The following PDGFD variants were observed in gnomAD, a reference collection of about 807,000 sequenced individuals.
The protein encoded by PDGFD is platelet derived growth factor D.
PDGFD carries 30 observed loss-of-function variants against 44.7 expected under a neutral mutation model. The ratio of observed to expected loss-of-function variants is 0.67; its 90% CI spans 0.50 to 0.91. The LOEUF (loss-of-function observed/expected upper bound fraction) is 0.91. Ranked by LOEUF, PDGFD falls within the 40% of genes least tolerant of loss-of-function variation. The probability of loss-of-function intolerance (pLI) is 0.00; values close to 1 mark genes in which losing one functional copy is unlikely to be tolerated. For synonymous variants in PDGFD, 173 were observed against 168.4 expected (o/e 1.03, Z -0.21); for missense variants, 445 against 457.8 (o/e 0.97, Z 0.25).
At chr11:104,037,989 G>A in intron 1 of PDGFD, 1 of 1,613,644 alleles carries the variant, frequency 6.2e-7, no homozygotes, top group Admixed American at 1.7e-5. Context: ...ATTCAGTCAT[G>A]GATTCAGGAC....
rs142358530 is a variant in PDGFD, at chr11:103,966,827, G to A, written c.511-19103C>T. 2.8e-3 allele frequency among the ~76,000 whole-genome samples: 337 copies of A among 118,248 alleles called. 5 individuals are homozygous for A. Among genetic ancestry groups the A allele is most frequent in the African/African-American group, 0.011 (323 of 28,520 alleles). The allele number at this position is 118,248 out of a possible 152,430, so 77.6% of individuals were successfully genotyped here. ...CTAGACAGACCCCTGAATCGCTGCA[G>A]GCACAATCCTGATAACCCTTGATGC... On this transcript the variant is annotated intron_variant, in intron 3 of 6. Coordinates refer to ENST00000393158, the MANE Select transcript of PDGFD (RefSeq NM_025208.5).
intron 1 of PDGFD, among the ~76,000 whole-genome samples, chr11:104,034,337 G>T (rs370955957): frequency 5.3e-5 from 8 of 151,882 alleles, no homozygotes; most frequent in African/African-American, 1.4e-4. Flanking sequence ...TACACTGGGC[G>T]TTCAGTCAAC....
At chr11:103,984,699 C>T (rs1859326332) in intron 3 of PDGFD, among the ~76,000 whole-genome samples, 1 of 149,984 alleles carries the variant, frequency 6.7e-6, no homozygotes, top group Non-Finnish European at 1.5e-5. Flanking sequence ...CTTGAATAGC[C>T]ATAATGTTGA....
intron 1 of PDGFD, among the ~76,000 whole-genome samples, chr11:104,011,427 G>A (rs1456612491): frequency 6.6e-6 from 1 of 152,016 alleles, no homozygotes; most frequent in African/African-American, 2.4e-5. Context: ...TATGGCTTCA[G>A]TGCTATTTAC....
intron 1 of PDGFD, among the ~76,000 whole-genome samples, chr11:104,121,349 T>C (rs537406098): frequency 6.6e-6 from 1 of 152,128 alleles, no homozygotes; most frequent in African/African-American, 2.4e-5. Flanking sequence ...GTATTTGCTG[T>C]GAATACATTT....
At chr11:104,000,654 C>A (rs1416572234) in intron 1 of PDGFD, among the ~76,000 whole-genome samples, 1 of 152,188 alleles carries the variant, frequency 6.6e-6, no homozygotes, top group Non-Finnish European at 1.5e-5. Flanking sequence ...CCCTTGATGT[C>A]TGTCTAACTT....
At chr11:103,986,971 G>A (rs1159565035) in intron 3 of PDGFD, among the ~76,000 whole-genome samples, 1 of 152,026 alleles carries the variant, frequency 6.6e-6, no homozygotes, top group African/African-American at 2.4e-5. Flanking sequence ...TGGCCTCGTG[G>A]TCCGCAACCA....
At chr11:104,111,823 C>T (rs369261309) in intron 1 of PDGFD, among the ~76,000 whole-genome samples, 6 of 152,184 alleles carry the variant, frequency 3.9e-5, no homozygotes, top group Middle Eastern at 3.4e-3. Context: ...AAATTAAGCA[C>T]GGTTATAAGT....
At chr11:104,004,573 G>C (rs144152142) in intron 1 of PDGFD, among the ~76,000 whole-genome samples, 1 of 152,038 alleles carries the variant, frequency 6.6e-6, no homozygotes, top group South Asian at 2.1e-4. Context: ...GACTATATTC[G>C]TTTTCAATTT....
At chr11:104,027,873 AG>A (rs374614353) in intron 1 of PDGFD, among the ~76,000 whole-genome samples, 1 of 152,284 alleles carries the variant, frequency 6.6e-6, no homozygotes, top group East Asian at 1.9e-4. Flanking sequence ...CTTGGTAAGA[AG>A]TTATAGCTTA....
At chr11:103,987,220 T>C (rs1427085370) in intron 3 of PDGFD, among the ~76,000 whole-genome samples, 1 of 152,182 alleles carries the variant, frequency 6.6e-6, no homozygotes, top group Non-Finnish European at 1.5e-5. Flanking sequence ...TCTTAATAAA[T>C]TGGCTCTGTC....
intron 5 of PDGFD, among the ~76,000 whole-genome samples, chr11:103,939,097 A>C (rs10791655): frequency 0.51 from 77,676 of 151,632 alleles, 22,315 homozygotes; most frequent in African/African-American, 0.79. Flanking sequence ...TGAAGAAAGT[A>C]ATTGGTAGCT....
chr11:103,975,627 A>AGGTTTTT (rs1249773312), intron 3 of PDGFD, among the ~76,000 whole-genome samples: 1 of 151,970 alleles, frequency 6.6e-6, no homozygotes, highest in Non-Finnish European at 1.5e-5. Flanking sequence ...TTTAGGTTTT[A>AGGTTTTT]GGTTTATGTT....
At chr11:104,031,451 A>G (rs949047987) in intron 1 of PDGFD, among the ~76,000 whole-genome samples, 1 of 152,196 alleles carries the variant, frequency 6.6e-6, no homozygotes, top group Admixed American at 6.5e-5. Flanking sequence ...GATACAATCT[A>G]ATACCAGTCA....
intron 6 of PDGFD, among the ~76,000 whole-genome samples, chr11:103,920,344 A>AT (rs1858195261): frequency 6.6e-6 from 1 of 152,244 alleles, no homozygotes; most frequent in South Asian, 2.1e-4. Context: ...TAGTTAAATG[A>AT]TTTTGACAGC....
rs75451949 is a variant in PDGFD, at chr11:104,076,791, A to G, written c.125-76536T>C. ...TGCCACCCTTAAGACAGCAAGACCA[A>G]GCCCTTCTCTTTCTTCTCTCTCCTT... is the stretch of plus-strand genomic sequence containing the variant. On this transcript the variant is annotated intron_variant, in intron 1 of 6. Coordinates refer to ENST00000393158, the MANE Select transcript of PDGFD (RefSeq NM_025208.5). 3.2e-3 allele frequency among the ~76,000 whole-genome samples: 491 copies of G among 152,290 alleles called. 5 individuals are homozygous for G. Among genetic ancestry groups the G allele is most frequent in the African/African-American group, 0.011 (453 of 41,560 alleles).
chr11:103,997,919 T>C lies in PDGFD; in HGVS notation c.330-1674A>G, dbSNP rs79489370. On this transcript the variant is annotated intron_variant, in intron 2 of 6. Transcript: ENST00000393158. ...TCTTTCTCTCCTCTTTTCTACCTGC[T>C]ATACTTCTACTTCCTTCCATAAATT... Among the ~76,000 whole-genome samples, 59 of 152,132 alleles carry C rather than the reference T, an allele frequency of 3.9e-4. 1 individual carries two copies. The East Asian group carries it at 9.8e-3, about 25-fold the overall frequency.
In PDGFD at chr11:103,954,859, T is replaced by C. The variant is rs554915093; in HGVS notation, c.511-7135A>G. Among the ~76,000 whole-genome samples the C allele has an allele frequency of 4.6e-5, 7 of 152,102 alleles. No individual in the cohort carries two copies. The South Asian group carries it at 1.5e-3, about 32-fold the overall frequency. Reference sequence around the variant, plus strand: ...TTCAAAAGAAAGACAAAGGGGTTTGTTAAGATTCATAAAACAGTAATGAGG... The same window carrying C: ...TTCAAAAGAAAGACAAAGGGGTTTGCTAAGATTCATAAAACAGTAATGAGG... On this transcript the variant is annotated intron_variant, in intron 3 of 6. Transcript: ENST00000393158.
chr11:103,991,666 C>G (rs906148864), intron 3 of PDGFD, among the ~76,000 whole-genome samples: 1 of 152,130 alleles, frequency 6.6e-6, no homozygotes, highest in Non-Finnish European at 1.5e-5. Flanking sequence ...CAGACACACA[C>G]GCAAGTGGGC....
Sources: allele counts gnomAD v4.1 joint callset (sites outside exome capture counted in the v4.1 genomes callset), GRCh38; gene constraint gnomAD v4.1.1; transcripts MANE v1.5; gene names NCBI Gene and HGNC (gene_info 2026-07-23, HGNC 2026-07-21).